SYN3: variants seen among roughly 807,000 people sequenced by gnomAD.
SYN3 encodes the protein synapsin III, also known as synapsin-3.
SYN3 carries 35 observed loss-of-function variants against 65.8 expected under a neutral mutation model. The ratio of observed to expected loss-of-function variants is 0.53; its 90% CI spans 0.41 to 0.70. The LOEUF is 0.70. SYN3 is among the 30% of genes least tolerant of loss of function. The pLI, the probability that SYN3 is intolerant of heterozygous loss-of-function variation, is 0.00. For missense variants in SYN3, 680 were observed against 749.0 expected (o/e 0.91, Z 1.08); for synonymous variants, 270 against 292.9 (o/e 0.92, Z 0.80).
rs543021534 is a variant in SYN3 at position 32,628,751 on chromosome 22, A to G, written c.712-32015T>C. ...GCACAAGAGCGAGACTTCGTCTAAA[A>G]AAAAAAAAAACCTCACTCAAATCTT... On this transcript the variant is annotated intron_variant, in intron 6 of 13. Transcript: ENST00000358763. Among the ~76,000 whole-genome samples, 3 of 152,208 alleles carry G rather than the reference A, an allele frequency of 2.0e-5. No individual in the cohort carries two copies. The South Asian group carries it at 6.2e-4, about 32-fold the overall frequency.
chr22:32,538,048 G>A lies in SYN3; in HGVS notation c.980C>T (p.Ala327Val), dbSNP rs375260226. 2.7e-5 allele frequency: 43 copies of A among 1,613,932 alleles called. No homozygotes were observed. Among genetic ancestry groups the A allele is most frequent in the Non-Finnish European group, 3.5e-5 (41 of 1,179,972 alleles). ...NTGSAMLEQV[A>V]MTERYRLWVD... ...CTTTGTCTCTTACCTCTCTGTCATG[G>A]CCACCTGCTCCAGCATGGCAGAGCC... The change falls in exon 9 of 14, where the codon GCC (alanine) becomes GTC (valine). Residue 327 changes from alanine to valine, a missense_variant. Coordinates refer to ENST00000358763, the MANE Select transcript of SYN3 (RefSeq NM_003490.4).
chr22:32,665,294 G>A (rs1266671799), intron 6 of SYN3, among the ~76,000 whole-genome samples: 2 of 151,992 alleles, frequency 1.3e-5, no homozygotes, highest in Non-Finnish European at 2.9e-5. Context: ...CACCACACCT[G>A]GCCCATTGTA....
intron 7 of SYN3, among the ~76,000 whole-genome samples, chr22:32,572,055 A>C (rs2053125391): frequency 6.6e-6 from 1 of 151,922 alleles, no homozygotes; most frequent in South Asian, 2.1e-4. Flanking sequence ...GGAGGGCATG[A>C]ATCGCATCAT....
In SYN3 at chr22:32,554,783, C is replaced by T. The variant is rs141106262; in HGVS notation, c.775-13070G>A. On this transcript the variant is annotated intron_variant, in intron 7 of 13. Coordinates refer to ENST00000358763, the MANE Select transcript of SYN3 (RefSeq NM_003490.4). ...CATTGCTCCATCTGCGAGACACACC[C>T]TTCTCTAGAAGTAAAATTGCCTTGC... is the stretch of plus-strand genomic sequence containing the variant. Among the ~76,000 whole-genome samples, 1,308 of 152,282 alleles carry T rather than the reference C, an allele frequency of 8.6e-3. 24 individuals carry two copies. The highest frequency in any genetic ancestry group is 0.03 in the African/African-American group (1,229 of 41,564).
intron 6 of SYN3, among the ~76,000 whole-genome samples, chr22:32,709,870 G>T (rs2060931992): frequency 6.6e-6 from 1 of 151,784 alleles, no homozygotes; most frequent in South Asian, 2.1e-4. Flanking sequence ...TGTTGAAAAA[G>T]TATTCCATTG....
intron 3 of SYN3, among the ~76,000 whole-genome samples, chr22:32,938,995 A>C (rs759023600): frequency 6.6e-6 from 1 of 152,032 alleles, no homozygotes; most frequent in Non-Finnish European, 1.5e-5. Context: ...TGAATTTATT[A>C]TAAGTCCAAA....
At chr22:32,813,669 T>TG in intron 6 of SYN3, among the ~76,000 whole-genome samples, 1 of 151,684 alleles carries the variant, frequency 6.6e-6, no homozygotes, top group East Asian at 1.9e-4. Context: ...CCCAATTTTT[T>TG]TTTTTTTGGC....
intron 7 of SYN3, among the ~76,000 whole-genome samples, chr22:32,579,082 G>A (rs2058897468): frequency 6.6e-6 from 1 of 152,208 alleles, no homozygotes; most frequent in African/African-American, 2.4e-5. Flanking sequence ...CAGGAGCTAT[G>A]TCTTTTTCAT....
At chr22:32,569,921 T>C (rs1444642679) in intron 7 of SYN3, among the ~76,000 whole-genome samples, 2 of 152,180 alleles carry the variant, frequency 1.3e-5, no homozygotes, top group Admixed American at 6.5e-5. Context: ...CAAAAAGGTA[T>C]CTAGAGATTT....
chr22:32,764,162 C>T (rs368258713), intron 6 of SYN3, among the ~76,000 whole-genome samples: 3 of 152,058 alleles, frequency 2.0e-5, no homozygotes, highest in Admixed American at 6.6e-5. Context: ...AGGCTGGTCT[C>T]GAACTCCAGA....
intron 3 of SYN3, among the ~76,000 whole-genome samples, chr22:32,950,599 G>T (rs1055536962): frequency 1.4e-5 from 2 of 148,106 alleles, no homozygotes; most frequent in Admixed American, 6.6e-5. Context: ...CGGATGTCCT[G>T]CTATTTTTTC....
intron 7 of SYN3, among the ~76,000 whole-genome samples, chr22:32,595,544 C>A (rs1008115014): frequency 7.9e-5 from 12 of 152,284 alleles, no homozygotes; most frequent in African/African-American, 2.9e-4. Context: ...TTGCAGTTAA[C>A]TGACTCTGGG....
intron 4 of SYN3, among the ~76,000 whole-genome samples, chr22:32,895,914 G>A (rs1027688154): frequency 6.6e-6 from 1 of 152,124 alleles, no homozygotes; most frequent in African/African-American, 2.4e-5. Context: ...TATAAGAAGG[G>A]TCATACTAGT....
chr22:33,030,447 A>G (rs1197695382), intron 1 of SYN3, among the ~76,000 whole-genome samples: 1 of 152,128 alleles, frequency 6.6e-6, no homozygotes, highest in Non-Finnish European at 1.5e-5. Context: ...GACAGAGAAG[A>G]GAGAGAGGCT....
chr22:32,734,553 C>T (rs1035285663), intron 6 of SYN3, among the ~76,000 whole-genome samples: 3 of 151,824 alleles, frequency 2.0e-5, no homozygotes, highest in Non-Finnish European at 4.4e-5. Flanking sequence ...GGGAGGATGG[C>T]CCTGTGATGG....
chr22:32,721,378 T>C (rs1157799381), intron 6 of SYN3, among the ~76,000 whole-genome samples: 1 of 152,148 alleles, frequency 6.6e-6, no homozygotes, highest in Non-Finnish European at 1.5e-5. Context: ...TCCATCTTGC[T>C]CCTGATAACT....
intron 6 of SYN3, among the ~76,000 whole-genome samples, chr22:32,676,528 C>CTTTTTTTTTTTTTTTTTTTTTTTT (rs879196572): frequency 5.6e-5 from 5 of 88,930 alleles, no homozygotes; most frequent in Non-Finnish European, 8.0e-5. Flanking sequence ...TCTTTTCTTT[C>CTTTTTTTTTTTTTTTTTTTTTTTT]TTTTTTTTTT....
intron 6 of SYN3, among the ~76,000 whole-genome samples, chr22:32,756,190 G>A (rs1263594990): frequency 6.6e-6 from 1 of 151,868 alleles, no homozygotes; most frequent in East Asian, 1.9e-4. Flanking sequence ...TGCACATTCT[G>A]CACATGTATC....
intron 12 of SYN3, among the ~76,000 whole-genome samples, chr22:32,520,334 G>A (rs954199861): frequency 2.4e-4 from 36 of 150,736 alleles, no homozygotes; most frequent in African/African-American, 8.1e-4. Flanking sequence ...ATGGGGTGTC[G>A]CTGTGTTGCC....
Sources: gnomAD v4.1 joint callset for allele counts (sites outside exome capture counted in the v4.1 genomes callset) on GRCh38, gnomAD v4.1.1 for gene constraint, MANE v1.5 for transcripts, NCBI Gene and HGNC (gene_info 2026-07-23, HGNC 2026-07-21) for gene names.